CNIH3: variants seen among roughly 807,000 people sequenced by gnomAD.
CNIH3 encodes cornichon family AMPA receptor auxiliary protein 3, also known as protein cornichon homolog 3.
CNIH3 carries 14 observed loss-of-function variants against 24.1 expected under a neutral mutation model. That is an observed-to-expected ratio of 0.58 (90% CI 0.38 to 0.91). The LOEUF (loss-of-function observed/expected upper bound fraction) is 0.91. Among genes scored for constraint, CNIH3 ranks in the 40% least tolerant of loss-of-function variants. The probability of loss-of-function intolerance (pLI) is 0.00; values close to 1 mark genes in which losing one functional copy is unlikely to be tolerated. For missense variants in CNIH3, 178 were observed against 196.8 expected (o/e 0.90, Z 0.57); for synonymous variants, 68 against 73.8 (o/e 0.92, Z 0.40).
exon 3 of CNIH3, chr1:224,546,934 A>G (rs1679724677): frequency 1.0e-5 from 10 of 984,130 alleles, no homozygotes; most frequent in Non-Finnish European, 1.2e-5. Flanking sequence ...AAAGACTGTG[A>G]CTATGGTAAG....
chr1:224,660,952 T>G (rs7513639), intron 1 of CNIH3, among the ~76,000 whole-genome samples: 26,972 of 152,118 alleles, frequency 0.18, 2,559 homozygotes, highest in African/African-American at 0.24. Context: ...TGCATACAGA[T>G]ATTTACATCA....
At chr1:224,682,703 C>A (rs569653794) in intron 2 of CNIH3, among the ~76,000 whole-genome samples, 5 of 152,220 alleles carry the variant, frequency 3.3e-5, no homozygotes, top group Non-Finnish European at 7.3e-5. Flanking sequence ...ACATTACACG[C>A]CTGGCCTGTC....
intron 3 of CNIH3, among the ~76,000 whole-genome samples, chr1:224,727,990 C>A (rs1689122884): frequency 6.6e-6 from 1 of 152,120 alleles, no homozygotes; most frequent in African/African-American, 2.4e-5. Context: ...ATCCTCCCTG[C>A]TTGGAAGGTT....
chr1:224,465,135 G>A (rs1303018633), intron 1 of CNIH3, among the ~76,000 whole-genome samples: 2 of 150,476 alleles, frequency 1.3e-5, no homozygotes, highest in African/African-American at 2.5e-5. Flanking sequence ...TTGAGACGGA[G>A]TTTCGCTCTT....
chr1:224,567,053 C>T (rs977933520), intron 4 of CNIH3, among the ~76,000 whole-genome samples: 5 of 152,158 alleles, frequency 3.3e-5, no homozygotes, highest in African/African-American at 1.2e-4. Flanking sequence ...TTGTAATGAT[C>T]GCCATTCTAA....
At chr1:224,524,770 C>T (rs758927765) in intron 2 of CNIH3, among the ~76,000 whole-genome samples, 6 of 152,096 alleles carry the variant, frequency 3.9e-5, no homozygotes, top group Non-Finnish European at 5.9e-5. Flanking sequence ...TAATAGCTCC[C>T]TGATTTTCTT....
At chr1:224,600,436 C>A (rs1273509843) in intron 3 of CNIH3, among the ~76,000 whole-genome samples, 1 of 152,134 alleles carries the variant, frequency 6.6e-6, no homozygotes, top group Non-Finnish European at 1.5e-5. Flanking sequence ...AGGTGACCTG[C>A]CTGCCTTGGC....
At chr1:224,698,055 C>T (rs997334827) in intron 3 of CNIH3, among the ~76,000 whole-genome samples, 2 of 152,196 alleles carry the variant, frequency 1.3e-5, no homozygotes, top group Admixed American at 1.3e-4. Flanking sequence ...ACTTGTTATT[C>T]CTTAAGCAAT....
chr1:224,714,557 A>G (rs1288498992), intron 3 of CNIH3, among the ~76,000 whole-genome samples: 1 of 152,198 alleles, frequency 6.6e-6, no homozygotes, highest in Non-Finnish European at 1.5e-5. Flanking sequence ...GACATGTCCC[A>G]TTGTGTGCCT....
chr1:224,705,850 C>CTTTTTTTTTTTTTTTTTTTTTT (rs61128987), intron 3 of CNIH3, among the ~76,000 whole-genome samples: 4 of 90,208 alleles, frequency 4.4e-5, no homozygotes, highest in Non-Finnish European at 4.8e-5. Context: ...TCTTTCTTTT[C>CTTTTTTTTTTTTTTTTTTTTTT]TTTTTTTTCT....
rs188106790 is a variant in CNIH3, at chr1:224,601,506, T to C, written n.402+35242T>C. On this transcript the variant is annotated intron_variant and non_coding_transcript_variant, in intron 3 of 7. Transcript: ENST00000478120. Reference sequence around the variant, plus strand: ...TTTTCTATCTATTGGGAGACTGGCTTTCCCTGGCGCTGGCTGTGACCAGTT... The same window carrying C: ...TTTTCTATCTATTGGGAGACTGGCTCTCCCTGGCGCTGGCTGTGACCAGTT... Among the ~76,000 whole-genome samples the C allele has an allele frequency of 5.7e-3, 863 of 152,302 alleles. 2 individuals are homozygous for C. The highest frequency in any genetic ancestry group is 9.3e-3 in the Non-Finnish European group (630 of 68,016).
At chr1:224,627,914 G>A (rs932080471) in intron 1 of CNIH3, among the ~76,000 whole-genome samples, 4 of 152,260 alleles carry the variant, frequency 2.6e-5, no homozygotes, top group Admixed American at 2.0e-4. Context: ...AGAGGCCATT[G>A]TCTTGAAAGA....
chr1:224,454,312 C>G, intron 1 of CNIH3: 1 of 856,180 alleles, frequency 1.2e-6, no homozygotes. Flanking sequence ...ACTCTATCAA[C>G]TAATATTTCT....
chr1:224,578,004 C>G (rs772727228), intron 4 of CNIH3, among the ~76,000 whole-genome samples: 2 of 151,912 alleles, frequency 1.3e-5, no homozygotes, highest in East Asian at 1.9e-4. Flanking sequence ...CACTTATGAG[C>G]AGGAGCTTGC....
At chr1:224,697,117 C>A (rs1033544831) in intron 3 of CNIH3, among the ~76,000 whole-genome samples, 15 of 152,202 alleles carry the variant, frequency 9.9e-5, no homozygotes, top group Non-Finnish European at 1.6e-4. Context: ...CACTGCTGAG[C>A]ATGGGATAAA....
At chr1:224,574,611 C>T (rs772456342) in intron 4 of CNIH3, 36 of 833,546 alleles carry the variant, frequency 4.3e-5, no homozygotes, top group African/African-American at 2.2e-4. Context: ...GGTGGCCATT[C>T]GGGAGAAGCT....
At chr1:224,510,155 G>A (rs1043612786) in intron 1 of CNIH3, among the ~76,000 whole-genome samples, 1 of 152,152 alleles carries the variant, frequency 6.6e-6, no homozygotes, top group Admixed American at 6.5e-5. Flanking sequence ...CTCACTGAGG[G>A]AAGTCTATGG....
At chr1:224,627,201 T>G (rs1683578513) in intron 1 of CNIH3, among the ~76,000 whole-genome samples, 1 of 152,186 alleles carries the variant, frequency 6.6e-6, no homozygotes, top group South Asian at 2.1e-4. Context: ...TTCTGGCTTA[T>G]GAACCCAGAA....
At chr1:224,651,113 C>T (rs922411039) in intron 1 of CNIH3, among the ~76,000 whole-genome samples, 2 of 152,020 alleles carry the variant, frequency 1.3e-5, no homozygotes, top group Non-Finnish European at 2.9e-5. Context: ...CAGTGAACAT[C>T]GAGCCCAGTG....
Sources: gnomAD v4.1 joint callset for allele counts (sites outside exome capture counted in the v4.1 genomes callset) on GRCh38, gnomAD v4.1.1 for gene constraint, MANE v1.5 for transcripts, NCBI Gene and HGNC (gene_info 2026-07-23, HGNC 2026-07-21) for gene names.